Variants in DPY19L4 observed in about 807,000 individuals in gnomAD.
DPY19L4 encodes probable C-mannosyltransferase DPY19L4.
Under a neutral mutation model 102.8 loss-of-function variants are expected in DPY19L4, and 97 were observed. That is an observed-to-expected ratio of 0.94 (90% CI 0.80 to 1.12). The LOEUF (loss-of-function observed/expected upper bound fraction) is 1.12. Among genes scored for constraint, DPY19L4 ranks in the 50% most tolerant of loss-of-function variants. The pLI is 0.00. For missense variants in DPY19L4, 815 were observed against 850.4 expected (o/e 0.96, Z 0.52); for synonymous variants, 252 against 283.1 (o/e 0.89, Z 1.10).
chr8:94,781,601 C>G (rs1209565826), intron 16 of DPY19L4, among the ~76,000 whole-genome samples: 2 of 151,990 alleles, frequency 1.3e-5, no homozygotes, highest in African/African-American at 4.8e-5. Flanking sequence ...ATTGAGAACC[C>G]CCCAACACAC....
In DPY19L4 at chr8:94,775,220, C is replaced by T. The variant is rs369603755; in HGVS notation, c.1455-2446C>T. Among the ~76,000 whole-genome samples the T allele has an allele frequency of 1.5e-3, 234 of 151,554 alleles. 3 individuals are homozygous for T. The highest frequency in any genetic ancestry group is 7.7e-3 in the South Asian group (37 of 4,810). ...TTGAGACAGGGTCCTGTTCTCTTGC[C>T]GAGGCTGGAGGCGCCATCTCGACTC... On this transcript the variant is annotated intron_variant, in intron 13 of 18. Coordinates refer to ENST00000414645, the MANE Select transcript of DPY19L4 (RefSeq NM_181787.3).
At chr8:94,737,921 G>T (rs1260580580) in intron 3 of DPY19L4, among the ~76,000 whole-genome samples, 2 of 152,162 alleles carry the variant, frequency 1.3e-5, no homozygotes, top group African/African-American at 4.8e-5. Context: ...TAGCTACTGG[G>T]TAGCTGAGGT....
intron 13 of DPY19L4, among the ~76,000 whole-genome samples, chr8:94,774,193 G>A (rs561125758): frequency 6.6e-6 from 1 of 151,880 alleles, no homozygotes; most frequent in East Asian, 2.0e-4. Flanking sequence ...ACAGACTGGT[G>A]TCACCATGCC....
chr8:94,774,627 G>A (rs927521323), intron 13 of DPY19L4, among the ~76,000 whole-genome samples: 2 of 147,460 alleles, frequency 1.4e-5, no homozygotes, highest in Non-Finnish European at 3.0e-5. Flanking sequence ...GCCCAGGCTA[G>A]AGTGCAATGC....
chr8:94,758,180 T>G (rs1256027854), intron 7 of DPY19L4, among the ~76,000 whole-genome samples: 1 of 152,144 alleles, frequency 6.6e-6, no homozygotes, highest in Non-Finnish European at 1.5e-5. Flanking sequence ...TCTTTGTTTC[T>G]TTGAGACGTG....
At chr8:94,766,519 C>A in intron 10 of DPY19L4, 93 bp from the exon 11 acceptor site, 1 of 1,166,376 alleles carries the variant, frequency 8.6e-7, no homozygotes, top group Non-Finnish European at 1.2e-6. Context: ...GTTTTGTAGT[C>A]TTGTTGTGTT....
In DPY19L4 at chr8:94,764,714, TATA is replaced by T. The variant is rs1318248301; in HGVS notation, c.871-468_871-466del. ...GTATATATATATATATATATATATA[TATA>T]TTTTTTTTTTTTTTTTTTTTTTTTT... On this transcript the variant is annotated intron_variant, in intron 8 of 18. Coordinates refer to ENST00000414645, the MANE Select transcript of DPY19L4 (RefSeq NM_181787.3). Among the ~76,000 whole-genome samples the T allele has an allele frequency of 2.9e-3, 216 of 75,588 alleles. 4 individuals carry two copies. Among genetic ancestry groups the T allele is most frequent in the African/African-American group, 8.0e-3 (124 of 15,480 alleles). 49.6% of individuals were successfully genotyped at this position (75,588 alleles called of 152,430 possible).
chr8:94,731,957 G>C (rs1324260795), intron 2 of DPY19L4, among the ~76,000 whole-genome samples: 1 of 152,012 alleles, frequency 6.6e-6, no homozygotes, highest in Non-Finnish European at 1.5e-5. Flanking sequence ...ATTTTTAGTA[G>C]AGACGGGGTT....
At chr8:94,760,898 TC>T (rs1288369124) in intron 7 of DPY19L4, among the ~76,000 whole-genome samples, 2 of 152,176 alleles carry the variant, frequency 1.3e-5, no homozygotes, top group Non-Finnish European at 1.5e-5. Context: ...GGCAAGGACA[TC>T]CCTTGTGTTT....
intron 17 of DPY19L4, among the ~76,000 whole-genome samples, chr8:94,784,439 A>AT (rs1213464023): frequency 2.0e-5 from 3 of 151,300 alleles, no homozygotes; most frequent in Non-Finnish European, 2.9e-5. Context: ...GTATTTATTT[A>AT]TTTTTTTGAG....
chr8:94,721,375 G>C (rs1238617958), intron 1 of DPY19L4, among the ~76,000 whole-genome samples: 1 of 152,188 alleles, frequency 6.6e-6, no homozygotes, highest in East Asian at 1.9e-4. Context: ...ATGCAGGCTT[G>C]GTTCATATTT....
intron 13 of DPY19L4, among the ~76,000 whole-genome samples, chr8:94,774,628 A>G (rs1813089465): frequency 6.8e-6 from 1 of 147,526 alleles, no homozygotes; most frequent in African/African-American, 2.5e-5. Context: ...CCCAGGCTAG[A>G]GTGCAATGCT....
At chr8:94,769,057 T>C (rs950929160) in intron 12 of DPY19L4, among the ~76,000 whole-genome samples, 21 of 149,904 alleles carry the variant, frequency 1.4e-4, no homozygotes, top group Non-Finnish European at 2.7e-4. Context: ...AAACTTAGTT[T>C]TTTTGTTTTT....
At chr8:94,783,336 C>T (rs1025501894) in intron 16 of DPY19L4, among the ~76,000 whole-genome samples, 2 of 152,180 alleles carry the variant, frequency 1.3e-5, no homozygotes, top group African/African-American at 4.8e-5. Context: ...AACTAGCCAC[C>T]TTATCTAAAA....
At chr8:94,720,289 G>T in intron 1 of DPY19L4, 1 of 982,946 alleles carries the variant, frequency 1.0e-6, no homozygotes, top group African/African-American at 1.7e-5. Flanking sequence ...TGCCGGGAGT[G>T]GTTGGGAAAG....
At chr8:94,760,396 G>A (rs965102681) in intron 7 of DPY19L4, among the ~76,000 whole-genome samples, 1 of 152,172 alleles carries the variant, frequency 6.6e-6, no homozygotes, top group Admixed American at 6.5e-5. Flanking sequence ...CCCTTGCCCT[G>A]TGCACAGCTA....
intron 7 of DPY19L4, among the ~76,000 whole-genome samples, chr8:94,760,145 T>C (rs1036849036): frequency 7.9e-5 from 12 of 152,228 alleles, no homozygotes; most frequent in African/African-American, 2.7e-4. Context: ...AGTTCTATCT[T>C]TAAGACATTT....
chr8:94,767,295 CT>C (rs5893296), intron 11 of DPY19L4, among the ~76,000 whole-genome samples: 4,766 of 132,636 alleles, frequency 0.036, 101 homozygotes, highest in Admixed American at 0.043. Flanking sequence ...AACCAGGAGT[CT>C]TTTTTTTTTT....
At chr8:94,785,359 G>A (rs1297989386) in intron 17 of DPY19L4, among the ~76,000 whole-genome samples, 2 of 152,124 alleles carry the variant, frequency 1.3e-5, no homozygotes, top group African/African-American at 2.4e-5. Flanking sequence ...AGGAACAATC[G>A]AACAATTCCG....
Sources: gnomAD v4.1 joint callset for allele counts (sites outside exome capture counted in the v4.1 genomes callset) on GRCh38, gnomAD v4.1.1 for gene constraint, MANE v1.5 for transcripts, NCBI Gene and HGNC (gene_info 2026-07-23, HGNC 2026-07-21) for gene names.